Variants in NCAM2 observed in about 807,000 individuals in gnomAD.
NCAM2 encodes the protein neural cell adhesion molecule 2, also known as N-CAM-2.
Under a neutral mutation model 98.1 loss-of-function variants are expected in NCAM2, and 30 were observed. That is an observed-to-expected ratio of 0.31 (90% CI 0.23 to 0.41). The LOEUF (loss-of-function observed/expected upper bound fraction) is 0.41. Among genes scored for constraint, NCAM2 ranks in the 10% least tolerant of loss-of-function variants. NCAM2 has a pLI of 1.00. For missense variants in NCAM2, 867 were observed against 1,005.8 expected (o/e 0.86, Z 1.87); for synonymous variants, 368 against 342.4 (o/e 1.07, Z -0.83).
At chr21:21,144,899 C>G (rs1027288116) in intron 1 of NCAM2, among the ~76,000 whole-genome samples, 1 of 152,052 alleles carries the variant, frequency 6.6e-6, no homozygotes, top group Admixed American at 6.5e-5. Context: ...AACACTAGTA[C>G]AACTGATCTT....
chr21:21,064,732 GCCT>G (rs943940278), intron 1 of NCAM2, among the ~76,000 whole-genome samples: 11 of 152,238 alleles, frequency 7.2e-5, no homozygotes, highest in African/African-American at 2.6e-4. Context: ...TAATCTCAAG[GCCT>G]CAGGAAATGG....
chr21:21,089,024 A>G (rs564135659), intron 1 of NCAM2, among the ~76,000 whole-genome samples: 3 of 150,790 alleles, frequency 2.0e-5, no homozygotes, highest in East Asian at 3.9e-4. Flanking sequence ...TTCAGGCTTC[A>G]GGGATCATAG....
At chr21:21,503,824 T>C (rs904612880) in intron 15 of NCAM2, among the ~76,000 whole-genome samples, 3 of 151,950 alleles carry the variant, frequency 2.0e-5, no homozygotes, top group African/African-American at 7.2e-5. Flanking sequence ...TTGCTTTTAA[T>C]AGTAAAATAT....
chr21:21,167,956 A>G (rs1478492145), intron 1 of NCAM2, among the ~76,000 whole-genome samples: 1 of 152,130 alleles, frequency 6.6e-6, no homozygotes, highest in Non-Finnish European at 1.5e-5. Flanking sequence ...AACTAATTAT[A>G]TATGGTCAGC....
At chr21:21,517,655 C>A (rs1163522794) in intron 16 of NCAM2, among the ~76,000 whole-genome samples, 1 of 152,082 alleles carries the variant, frequency 6.6e-6, no homozygotes, top group Non-Finnish European at 1.5e-5. Flanking sequence ...GTCAAGAGTT[C>A]AAGACCAGCC....
At chr21:21,279,263 A>G (rs2147484650) in intron 1 of NCAM2, among the ~76,000 whole-genome samples, 1 of 152,222 alleles carries the variant, frequency 6.6e-6, no homozygotes, top group Middle Eastern at 3.4e-3. Context: ...GGGGGAGGCA[A>G]GTTTCCTTGT....
chr21:21,488,933 A>G (rs1262237131), intron 15 of NCAM2, among the ~76,000 whole-genome samples: 2 of 151,938 alleles, frequency 1.3e-5, no homozygotes, highest in Non-Finnish European at 2.9e-5. Context: ...CCTTTAAATG[A>G]TCTTTTAATA....
chr21:21,186,409 A>G (rs2068642285), intron 1 of NCAM2, among the ~76,000 whole-genome samples: 2 of 152,166 alleles, frequency 1.3e-5, no homozygotes, highest in African/African-American at 2.4e-5. Flanking sequence ...TATGGATTCT[A>G]TGGCATCTAA....
chr21:21,471,806 T>A (rs1984475355), intron 14 of NCAM2, among the ~76,000 whole-genome samples: 1 of 152,054 alleles, frequency 6.6e-6, no homozygotes. Flanking sequence ...ACACCATTAT[T>A]CTGTCAGCCT....
At chr21:21,334,044 T>A (rs2074787816) in intron 6 of NCAM2, among the ~76,000 whole-genome samples, 1 of 152,068 alleles carries the variant, frequency 6.6e-6, no homozygotes, top group South Asian at 2.1e-4. Context: ...GCAACCTGCC[T>A]CAGCATCCCT....
intron 1 of NCAM2, among the ~76,000 whole-genome samples, chr21:21,081,673 T>C (rs775048834): frequency 2.6e-5 from 4 of 151,644 alleles, no homozygotes; most frequent in East Asian, 2.0e-4. Flanking sequence ...TGGCGGTGCG[T>C]GCCTGTAATC....
At chr21:21,138,472 G>A (rs2067104886) in intron 1 of NCAM2, among the ~76,000 whole-genome samples, 1 of 128,860 alleles carries the variant, frequency 7.8e-6, no homozygotes, top group South Asian at 2.6e-4. Flanking sequence ...CATCTCTAGT[G>A]TATTTATTTG....
chr21:21,228,619 G>C (rs1418268104), intron 1 of NCAM2, among the ~76,000 whole-genome samples: 1 of 151,292 alleles, frequency 6.6e-6, no homozygotes, highest in Non-Finnish European at 1.5e-5. Context: ...TGTTAAAAAG[G>C]ATACAGTTCA....
chr21:21,019,353 A>G (rs1200900629), intron 1 of NCAM2, among the ~76,000 whole-genome samples: 4 of 152,206 alleles, frequency 2.6e-5, no homozygotes, highest in Admixed American at 2.0e-4. Context: ...ATTTGTAGAC[A>G]TGCAAACTTC....
At chr21:21,212,805 T>C (rs961671023) in intron 1 of NCAM2, among the ~76,000 whole-genome samples, 4 of 148,194 alleles carry the variant, frequency 2.7e-5, no homozygotes, top group South Asian at 4.3e-4. Context: ...TGCAGTGGCA[T>C]GATCTTGGCT....
In NCAM2 at chr21:21,102,827, A is replaced by G. The variant is rs117097906; in HGVS notation, c.55+104209A>G. Among the ~76,000 whole-genome samples the G allele has an allele frequency of 4.5e-3, 689 of 152,192 alleles. 5 individuals carry two copies. The highest frequency in any genetic ancestry group is 0.033 in the East Asian group (170 of 5,168). ...GAAAGAAAACAGAAAGACAGGCACC[A>G]TTCTCTGTATGTTATTTTCCTGAAA... On this transcript the variant is annotated intron_variant, in intron 1 of 17. Coordinates refer to ENST00000400546, the MANE Select transcript of NCAM2 (RefSeq NM_004540.5).
At chr21:21,069,045 A>G (rs956262174) in intron 1 of NCAM2, among the ~76,000 whole-genome samples, 5 of 152,170 alleles carry the variant, frequency 3.3e-5, no homozygotes, top group African/African-American at 1.2e-4. Flanking sequence ...ATTTTATAAG[A>G]TAATGTACTC....
intron 1 of NCAM2, among the ~76,000 whole-genome samples, chr21:21,180,961 A>G (rs536531686): frequency 6.6e-6 from 1 of 152,156 alleles, no homozygotes; most frequent in Non-Finnish European, 1.5e-5. Flanking sequence ...AAAGAATGTT[A>G]TGATATTCTG....
At chr21:21,112,717 T>C (rs1220485750) in intron 1 of NCAM2, among the ~76,000 whole-genome samples, 4 of 152,204 alleles carry the variant, frequency 2.6e-5, no homozygotes, top group African/African-American at 9.7e-5. Flanking sequence ...GTGGTCAAGC[T>C]AAAAGAACAG....
Sources: gnomAD v4.1 joint callset for allele counts (sites outside exome capture counted in the v4.1 genomes callset) on GRCh38, gnomAD v4.1.1 for gene constraint, MANE v1.5 for transcripts, NCBI Gene and HGNC (gene_info 2026-07-23, HGNC 2026-07-21) for gene names.